The following NTRK3 variants were observed in gnomAD, a reference collection of about 807,000 sequenced individuals.
The protein encoded by NTRK3 is NT-3 growth factor receptor.
A neutral mutation model predicts 91.7 loss-of-function variants in NTRK3; 24 were observed. The observed-to-expected ratio is 0.26, with a 90% CI of 0.19 to 0.37. The LOEUF (loss-of-function observed/expected upper bound fraction) is 0.37, where lower values mean the gene tolerates loss of function less well. Ranked by LOEUF, NTRK3 falls within the 10% of genes least tolerant of loss-of-function variation. The pLI is 1.00. For missense variants in NTRK3, 880 were observed against 1,068.9 expected, an observed-to-expected ratio of 0.82 and a Z score of 2.46; for synonymous variants, 483 against 404.0, an observed-to-expected ratio of 1.20 and a Z score of -2.34.
At chr15:88,170,659 C>T (rs182735721) in intron 5 of NTRK3, among the ~76,000 whole-genome samples, 85 of 152,286 alleles carry the variant, frequency 5.6e-4, no homozygotes, top group Admixed American at 1.7e-3. Flanking sequence ...AACATGTTGA[C>T]CACGACCAGG....
At chr15:88,047,684 C>T (rs934343382) in intron 13 of NTRK3, among the ~76,000 whole-genome samples, 1 of 152,180 alleles carries the variant, frequency 6.6e-6, no homozygotes, top group African/African-American at 2.4e-5. Context: ...AAGGGAGTAT[C>T]TCCTCATTCA....
exon 19 of NTRK3, chr15:87,876,646 C>CTCT (rs2064958955): frequency 4.2e-5 from 9 of 214,664 alleles, no homozygotes; most frequent in Non-Finnish European, 8.4e-5. Flanking sequence ...TTTTCTGTAT[C>CTCT]AGCAGCTTCT....
chr15:87,913,247 AG>A, intron 17 of NTRK3, among the ~76,000 whole-genome samples: 1 of 152,116 alleles, frequency 6.6e-6, no homozygotes, highest in Non-Finnish European at 1.5e-5. Context: ...AATTAGCCCC[AG>A]TAAAGCAGAT....
At chr15:88,224,357 C>T (rs1434262813) in intron 3 of NTRK3, among the ~76,000 whole-genome samples, 1 of 152,174 alleles carries the variant, frequency 6.6e-6, no homozygotes, top group East Asian at 1.9e-4. Context: ...ACGCTATTTC[C>T]CAGCATGAGA....
rs75437329 is a variant in NTRK3, at chr15:87,875,511, G to A, written c.*1424C>T. ...GCCTCATTAAGATTCCAAGCCTGCAGCACTGGCCGCTCATTGGACATCTCC... is the reference window on the plus strand; with the variant it reads ...GCCTCATTAAGATTCCAAGCCTGCAACACTGGCCGCTCATTGGACATCTCC... On this transcript the variant is annotated 3_prime_UTR_variant, in exon 19 of 19. Coordinates refer to ENST00000394480, the Ensembl canonical transcript of NTRK3. 1,173 of 232,806 alleles carry A rather than the reference G, an allele frequency of 5.0e-3. 19 individuals carry two copies. The highest frequency in any genetic ancestry group is 0.025 in the East Asian group (414 of 16,516). 14.4% of individuals were successfully genotyped at this position (232,806 alleles called of 1,614,324 possible).
chr15:88,191,915 C>T (rs1026948402), intron 3 of NTRK3, among the ~76,000 whole-genome samples: 3 of 152,322 alleles, frequency 2.0e-5, no homozygotes, highest in African/African-American at 7.2e-5. Context: ...GGAGCCAGAC[C>T]TGAGAGCCCC....
intron 3 of NTRK3, among the ~76,000 whole-genome samples, chr15:88,242,880 C>T (rs890623608): frequency 3.3e-5 from 5 of 152,242 alleles, no homozygotes; most frequent in Non-Finnish European, 7.3e-5. Flanking sequence ...ACCGCCAATG[C>T]CAGGCCCCCA....
At chr15:87,900,222 A>G (rs962533873) in intron 17 of NTRK3, among the ~76,000 whole-genome samples, 3 of 152,218 alleles carry the variant, frequency 2.0e-5, no homozygotes, top group Admixed American at 2.0e-4. Context: ...CATCAAAAAA[A>G]GAAGTACCAC....
exon 1 of NTRK3, chr15:88,256,691 GCAGC>G: frequency 2.6e-6 from 1 of 388,408 alleles, no homozygotes; most frequent in East Asian, 3.7e-5. Context: ...AGGAGCTGCA[GCAGC>G]CGCCGCGAAT....
intron 5 of NTRK3, among the ~76,000 whole-genome samples, chr15:88,150,916 C>T (rs2043313995): frequency 6.6e-6 from 1 of 152,060 alleles, no homozygotes; most frequent in Non-Finnish European, 1.5e-5. Context: ...AACTCATTGC[C>T]CCTGATTTTT....
At position 87,991,305 on chromosome 15, in the gene NTRK3, G is replaced by T. The variant is rs146681603; in HGVS notation, c.1585+41552C>A. 2.0e-4 allele frequency among the ~76,000 whole-genome samples: 31 copies of T among 152,288 alleles called. 1 individual carries two copies. In the East Asian group the frequency reaches 5.8e-3, roughly 28 times the overall value. On this transcript the variant is annotated intron_variant, in intron 14 of 18. Transcript: ENST00000394480. The stretch of plus-strand genomic sequence containing the variant: ...GGATCACCAGGAGTTTGTCAGAAAT[G>T]CAGCATCTCAGGCTCCATCCAAAAC...
At chr15:88,044,365 A>C (rs1195872552) in intron 13 of NTRK3, among the ~76,000 whole-genome samples, 2 of 141,086 alleles carry the variant, frequency 1.4e-5, no homozygotes, top group African/African-American at 5.4e-5. Context: ...GGTTCACTCC[A>C]TTCTCCTGCC....
At chr15:88,098,910 C>G (rs1007471580) in intron 13 of NTRK3, 14 of 232,490 alleles carry the variant, frequency 6.0e-5, no homozygotes, top group African/African-American at 2.9e-4. Flanking sequence ...TGCAAAAAAT[C>G]TGTAGGTTTA....
intron 16 of NTRK3, among the ~76,000 whole-genome samples, chr15:87,931,945 G>T (rs546316294): frequency 1.1e-4 from 17 of 152,176 alleles, no homozygotes; most frequent in Non-Finnish European, 1.9e-4. Flanking sequence ...TGTGGTGGTC[G>T]CAGAGGCCAC....
chr15:88,204,852 C>T (rs1159893383), intron 3 of NTRK3, among the ~76,000 whole-genome samples: 2 of 152,216 alleles, frequency 1.3e-5, no homozygotes, highest in Non-Finnish European at 2.9e-5. Context: ...TGTCACCTCT[C>T]AGCAGAGCAG....
chr15:88,079,218 A>G (rs918442138), intron 13 of NTRK3, among the ~76,000 whole-genome samples: 5 of 152,334 alleles, frequency 3.3e-5, no homozygotes, highest in African/African-American at 1.2e-4. Context: ...AGTCAGAACA[A>G]AGAGACTGGG....
rs186365681 is a variant in NTRK3, at chr15:87,965,626, C to T, written c.1586-24873G>A. On this transcript the variant is annotated intron_variant, in intron 14 of 18. Coordinates refer to ENST00000394480, the Ensembl canonical transcript of NTRK3. ...TCACCAAAGGACCGTGGTGTTTATT[C>T]ACCAGGCAGTGGAGTCAGGATTTCC... Among the ~76,000 whole-genome samples, 34 of 152,348 alleles carry T rather than the reference C, an allele frequency of 2.2e-4. 1 individual carries two copies. The East Asian group carries it at 6.4e-3, about 28-fold the overall frequency.
intron 14 of NTRK3, among the ~76,000 whole-genome samples, chr15:88,026,101 C>T (rs1567246254): frequency 6.6e-6 from 1 of 152,210 alleles, no homozygotes; most frequent in South Asian, 2.1e-4. Context: ...GAAACCCCTT[C>T]TCTACTAAAA....
chr15:88,045,461 A>G (rs1386281536), intron 13 of NTRK3, among the ~76,000 whole-genome samples: 1 of 152,198 alleles, frequency 6.6e-6, no homozygotes. Flanking sequence ...CTGCGTCCCT[A>G]TTAAAGTCCC....
Sources: gnomAD v4.1 joint callset for allele counts (sites outside exome capture counted in the v4.1 genomes callset) on GRCh38, gnomAD v4.1.1 for gene constraint, MANE v1.5 for transcripts, NCBI Gene and HGNC (gene_info 2026-07-23, HGNC 2026-07-21) for gene names.